Variants in TTC34 observed in about 807,000 individuals in gnomAD.
TTC34 encodes tetratricopeptide repeat protein 34.
A neutral mutation model predicts 40.7 loss-of-function variants in TTC34; 44 were observed. The observed-to-expected ratio is 1.08, with a 90% CI of 0.85 to 1.39. TTC34 has a LOEUF of 1.39. Ranked by LOEUF, TTC34 falls within the 40% of genes most tolerant of loss-of-function variation. The probability of loss-of-function intolerance (pLI) is 0.00; values close to 1 mark genes in which losing one functional copy is unlikely to be tolerated. For missense variants in TTC34, 884 were observed against 838.0 expected, an observed-to-expected ratio of 1.05 and a Z score of -0.68; for synonymous variants, 422 against 398.6, an observed-to-expected ratio of 1.06 and a Z score of -0.70.
At chr1:2,651,172 G>T (rs1334366246) in intron 6 of TTC34, among the ~76,000 whole-genome samples, 1 of 151,310 alleles carries the variant, frequency 6.6e-6, no homozygotes, top group East Asian at 2.0e-4. Flanking sequence ...GCACTTCACA[G>T]CCTAAAACTG....
rs190153554 is a variant in TTC34, at chr1:2,800,483, G to A, written c.345C>T (p.Arg115=). 5.0e-4 allele frequency: 200 copies of A among 398,570 alleles called. 1 individual carries two copies. The East Asian group carries it at 7.1e-3, about 14-fold the overall frequency. The allele number at this position is 398,570 out of a possible 1,614,324, so 24.7% of individuals were successfully genotyped here. ...GTTGCACCACTTCTTCGTGACGCCC[G>A]CGGGCCAGCAGACCTGCCAGCAGGT... Residue 115 remains arginine, a synonymous_variant, in exon 2 of 9, where the codon CGC becomes CGT. Coordinates refer to ENST00000401095, the Ensembl canonical transcript of TTC34.
intron 6 of TTC34, among the ~76,000 whole-genome samples, chr1:2,649,844 C>A (rs1462870039): frequency 6.6e-6 from 1 of 152,160 alleles, no homozygotes; most frequent in Admixed American, 6.5e-5. Context: ...TGGCACCTCA[C>A]ACCCTCAGGT....
At chr1:2,685,303 G>A (rs1056512427) in intron 6 of TTC34, among the ~76,000 whole-genome samples, 4 of 128,246 alleles carry the variant, frequency 3.1e-5, no homozygotes, top group Non-Finnish European at 4.8e-5. Flanking sequence ...CCCACAGCCT[G>A]GAGCAGCACA....
At chr1:2,648,439 T>A (rs1279204383) in intron 6 of TTC34, among the ~76,000 whole-genome samples, 1 of 152,214 alleles carries the variant, frequency 6.6e-6, no homozygotes, top group Non-Finnish European at 1.5e-5. Flanking sequence ...CTCAACTGAA[T>A]GCCCAAGATG....
At chr1:2,789,473 C>G in intron 3 of TTC34, 30 bp downstream of exon 3, 3 of 1,496,990 alleles carry the variant, frequency 2.0e-6, no homozygotes, top group African/African-American at 1.4e-5. Context: ...CAGGAAGCAG[C>G]GGCCCCAGCG....
intron 6 of TTC34, among the ~76,000 whole-genome samples, chr1:2,757,877 G>T (rs1486556640): frequency 4.9e-5 from 7 of 143,452 alleles, no homozygotes; most frequent in African/African-American, 1.1e-4. Context: ...CACAACCACA[G>T]GTGAGCCTCT....
intron 6 of TTC34, among the ~76,000 whole-genome samples, chr1:2,779,008 TCA>T (rs1643425646): frequency 6.6e-6 from 1 of 152,216 alleles, no homozygotes; most frequent in Non-Finnish European, 1.5e-5. Context: ...ATAAGGGAAA[TCA>T]CACAGTGTTT....
chr1:2,759,112 C>CT (rs1641604126), intron 6 of TTC34, among the ~76,000 whole-genome samples: 1 of 97,944 alleles, frequency 1.0e-5, no homozygotes, highest in East Asian at 3.4e-4. Context: ...GAACAGCACC[C>CT]ACACGCTCAG....
intron 6 of TTC34, among the ~76,000 whole-genome samples, chr1:2,651,451 C>G (rs1440520662): frequency 6.6e-6 from 1 of 151,988 alleles, no homozygotes; most frequent in Non-Finnish European, 1.5e-5. Context: ...AGGTAAGCAT[C>G]TGACAGCCAA....
intron 6 of TTC34, among the ~76,000 whole-genome samples, chr1:2,677,610 C>T (rs370273018): frequency 1.1e-4 from 14 of 129,248 alleles, no homozygotes; most frequent in South Asian, 2.7e-4. Context: ...GCACGCTGCC[C>T]CCCCAGGTGA....
At chr1:2,749,918 C>A (rs1641261174) in intron 6 of TTC34, among the ~76,000 whole-genome samples, 1 of 113,054 alleles carries the variant, frequency 8.8e-6, no homozygotes, top group Non-Finnish European at 1.7e-5. Flanking sequence ...TGGGTCGGCA[C>A]CCACAACCCC....
rs1222331017 is a variant in TTC34 at position 2,751,970 on chromosome 1, C to T, written c.2226+31639G>A. On this transcript the variant is annotated intron_variant, in intron 6 of 8. Transcript: ENST00000401095. ...GGAGAGTCTGGAGCAGCGCCCACAC[C>T]CCCAGGCGAGCATTTGACAGCCTGG... is the stretch of plus-strand genomic sequence containing the variant. 1.5e-4 allele frequency among the ~76,000 whole-genome samples: 13 copies of T among 89,288 alleles called. 2 individuals carry two copies. The highest frequency in any genetic ancestry group is 9.2e-4 in the Admixed American group (8 of 8,716). 58.6% of individuals were successfully genotyped at this position (89,288 alleles called of 152,430 possible).
rs1387714294 is a variant in TTC34 at position 2,657,480 on chromosome 1, C to A, written c.2227-11917G>T. Among the ~76,000 whole-genome samples the A allele has an allele frequency of 9.8e-5, 7 of 71,428 alleles. No individual in the cohort carries two copies. The East Asian group carries it at 9.9e-4, about 10-fold the overall frequency. 46.9% of individuals were successfully genotyped at this position (71,428 alleles called of 152,430 possible). On this transcript the variant is annotated intron_variant, in intron 6 of 8. Coordinates refer to ENST00000401095, the Ensembl canonical transcript of TTC34. ...CCACGCCCCCAGGCGAGCATCTGAC[C>A]GAACGGAGCAGCACCCACAACCCCA...
chr1:2,787,409 C>T (rs987687611), intron 4 of TTC34, 72 bp downstream of exon 4: 19 of 1,360,860 alleles, frequency 1.4e-5, no homozygotes, highest in Middle Eastern at 2.7e-4. Flanking sequence ...GCCAGGGCCA[C>T]GGGAGGCCTG....
exon 9 of TTC34, chr1:2,641,168 G>T: frequency 2.3e-6 from 1 of 438,608 alleles, no homozygotes; most frequent in Non-Finnish European, 3.8e-6. Flanking sequence ...GGGTGGGAAG[G>T]GGGGCTGTGG....
At chr1:2,755,806 C>A (rs1641485991) in intron 6 of TTC34, among the ~76,000 whole-genome samples, 1 of 114,508 alleles carries the variant, frequency 8.7e-6, no homozygotes, top group Non-Finnish European at 1.7e-5. Context: ...ATCTGATGGT[C>A]TGGAGCAGCA....
At chr1:2,699,599 G>T (rs1421329074) in intron 6 of TTC34, among the ~76,000 whole-genome samples, 1 of 135,004 alleles carries the variant, frequency 7.4e-6, no homozygotes, top group African/African-American at 2.6e-5. Flanking sequence ...TGACAGCCTG[G>T]AGCAGCACCC....
At chr1:2,787,834 CA>C (rs1643612144) in intron 3 of TTC34, 128 bp from the exon 4 acceptor site, 1 of 706,984 alleles carries the variant, frequency 1.4e-6, no homozygotes, top group Non-Finnish European at 2.2e-6. Context: ...GAGGGACCCT[CA>C]CGCCACACCA....
At chr1:2,681,807 T>G (rs1465431835) in intron 6 of TTC34, among the ~76,000 whole-genome samples, 3 of 76,690 alleles carry the variant, frequency 3.9e-5, no homozygotes, top group African/African-American at 8.5e-5. Flanking sequence ...ATCTGATGGT[T>G]TGCGGCAACA....
Sources: allele counts gnomAD v4.1 joint callset (sites outside exome capture counted in the v4.1 genomes callset), GRCh38; gene constraint gnomAD v4.1.1; transcripts MANE v1.5; gene names NCBI Gene and HGNC (gene_info 2026-07-23, HGNC 2026-07-21).